RPP40: variants seen among roughly 807,000 people sequenced by gnomAD.
RPP40 encodes the protein ribonuclease P/MRP subunit p40.
RPP40 carries 30 observed loss-of-function variants against 42.5 expected under a neutral mutation model. The ratio of observed to expected loss-of-function variants is 0.71; its 90% CI spans 0.53 to 0.96. The LOEUF is 0.96. Among genes scored for constraint, RPP40 ranks in the 40% least tolerant of loss-of-function variants. The probability of loss-of-function intolerance (pLI) is 0.00; values close to 1 mark genes in which losing one functional copy is unlikely to be tolerated. For synonymous variants in RPP40, 173 were observed against 164.0 expected, an observed-to-expected ratio of 1.05 and a Z score of -0.42; for missense variants, 426 against 433.5, an observed-to-expected ratio of 0.98 and a Z score of 0.15.
At chr6:4,995,474 C>T (rs1759344722) in intron 7 of RPP40, among the ~76,000 whole-genome samples, 198 bp from the exon 8 acceptor site, 1 of 152,182 alleles carries the variant, frequency 6.6e-6, no homozygotes, top group African/African-American at 2.4e-5. Context: ...AACTAATATA[C>T]AACACATGAA....
chr6:4,990,386 G>A (rs1178153058), downstream of RPP40, among the ~76,000 whole-genome samples: 3 of 152,138 alleles, frequency 2.0e-5, no homozygotes, highest in East Asian at 5.8e-4. Flanking sequence ...TTCTTTCCTG[G>A]TAGCATGTTT....
chr6:4,999,790 G>A lies in RPP40; in HGVS notation c.433+19C>T, dbSNP rs1161892080. On this transcript the variant is annotated intron_variant, in intron 4 of 7. Transcript: ENST00000380051. ...GCCACAAGAAGATTAGAAACAGATG[G>A]AACACACATGATACTTACTAAATTT... The A allele has an allele frequency of 2.3e-6, 3 of 1,299,408 alleles. No homozygotes were observed. In the South Asian group the frequency reaches 3.6e-5, roughly 16 times the overall value. 80.5% of individuals were successfully genotyped at this position (1,299,408 alleles called of 1,614,324 possible).
At chr6:5,003,569 T>A in intron 1 of RPP40, 1 of 243,212 alleles carries the variant, frequency 4.1e-6, no homozygotes, top group East Asian at 8.4e-5. Flanking sequence ...GAACCTCGAA[T>A]CCCTCCCTGG....
downstream of RPP40, among the ~76,000 whole-genome samples, chr6:4,991,221 G>A (rs775744317): frequency 2.6e-5 from 4 of 151,688 alleles, no homozygotes; most frequent in Admixed American, 6.6e-5. Flanking sequence ...TTCTGCTATT[G>A]ATTTCTAATT....
In RPP40 at chr6:4,995,169, C is replaced by T; in HGVS notation, c.1001G>A (p.Gly334Glu). ...CACAAAGTTATATAAATGTTCTCCT[C>T]CTTTTCGAAAACCATGTTCATTTTT... ...WEKNEHGFRK[G>E]GEHLYNFVIF... Residue 334 changes from glycine (G) to glutamate (E), a missense_variant, in exon 8 of 8, where the codon GGA becomes GAA. Physicochemically the swap from Gly to Glu is moderately conservative, Grantham distance 98. Coordinates refer to ENST00000380051, the MANE Select transcript of RPP40 (RefSeq NM_006638.4). 1 of 1,614,104 alleles carries T rather than the reference C, an allele frequency of 6.2e-7. No individual in the cohort carries two copies. The highest frequency in any genetic ancestry group is 1.1e-5 in the South Asian group (1 of 91,076).
chr6:4,989,205 GT>G, the RPP40 span, among the ~76,000 whole-genome samples: 1 of 110,840 alleles, frequency 9.0e-6, no homozygotes, highest in East Asian at 2.0e-4. Flanking sequence ...CATTTGGTTT[GT>G]TTGTTTTCTT....
chr6:4,990,176 G>A (rs896369982), downstream of RPP40, among the ~76,000 whole-genome samples: 4 of 152,144 alleles, frequency 2.6e-5, no homozygotes, highest in African/African-American at 9.7e-5. Flanking sequence ...TGTATTGATT[G>A]ATTATATGAT....
chr6:5,000,778 T>G, intron 2 of RPP40, 147 bp from the exon 3 acceptor site: 1 of 626,750 alleles, frequency 1.6e-6, no homozygotes, highest in South Asian at 1.9e-5. Flanking sequence ...AAACCAAACA[T>G]CTGCTAAGGG....
downstream of RPP40, among the ~76,000 whole-genome samples, chr6:4,993,384 G>A (rs866402620): frequency 1.3e-4 from 20 of 152,074 alleles, no homozygotes; most frequent in East Asian, 1.9e-4. Context: ...AATCTGCTTC[G>A]TTGTTCTTAT....
chr6:4,989,539 A>T, the RPP40 span, among the ~76,000 whole-genome samples: 1 of 152,194 alleles, frequency 6.6e-6, no homozygotes, highest in African/African-American at 2.4e-5. Flanking sequence ...ATATGACATG[A>T]CATCTTCACA....
the RPP40 span, among the ~76,000 whole-genome samples, chr6:4,989,261 A>C: frequency 6.6e-6 from 1 of 152,280 alleles, no homozygotes; most frequent in Non-Finnish European, 1.5e-5. Flanking sequence ...CACAAATCCT[A>C]TATCATTGAT....
At chr6:4,998,507 G>A (rs1018643169) in intron 5 of RPP40, among the ~76,000 whole-genome samples, 1 of 152,208 alleles carries the variant, frequency 6.6e-6, no homozygotes, top group African/African-American at 2.4e-5. Flanking sequence ...CCAAAGAGAC[G>A]CAGGCAGAAA....
At position 5,002,151 on chromosome 6, in the gene RPP40, G is replaced by A. The variant is rs769253990; in HGVS notation, c.218C>T (p.Pro73Leu). ...TGPYYFVKNL[P>L]LHELITPEFI... ...TTCAGGTGTAATTAATTCATGAAGA[G>A]GTAAATTCTTCACAAAGTAATAGGG... is the stretch of plus-strand genomic sequence containing the variant. The change falls in exon 2 of 8, where the codon CCT becomes CTT. Residue 73 changes from proline to leucine, a missense_variant. By Grantham distance (98) the Pro-to-Leu change is moderately conservative. Transcript: ENST00000380051. The A allele has an allele frequency of 3.7e-6, 6 of 1,610,532 alleles. No individual in the cohort carries two copies. The highest frequency in any genetic ancestry group is 3.3e-5 in the Admixed American group (2 of 59,958).
intron 1 of RPP40, 121 bp downstream of exon 1, chr6:5,003,759 G>T: frequency 3.8e-6 from 5 of 1,308,036 alleles, no homozygotes; most frequent in Non-Finnish European, 5.1e-6. Flanking sequence ...AGCCGGGCGA[G>T]GGCCCCGCCC....
At chr6:4,991,357 C>A (rs7763401), downstream of RPP40, among the ~76,000 whole-genome samples, 829 of 152,256 alleles carry the variant, frequency 5.4e-3, 4 homozygotes, top group African/African-American at 0.019. Context: ...AAACTCTTAA[C>A]CCACTTTACT....
intron 3 of RPP40, 89 bp from the exon 4 acceptor site, chr6:4,999,993 G>A: frequency 1.4e-6 from 1 of 738,946 alleles, no homozygotes; most frequent in Non-Finnish European, 2.4e-6. Flanking sequence ...TGAGCAGTTA[G>A]ATATCAATGT....
In RPP40 at chr6:4,996,101, TAAAAG is replaced by T; in HGVS notation, c.759-21_759-17del. 2 of 1,613,020 alleles carry T rather than the reference TAAAAG, an allele frequency of 1.2e-6. No homozygotes were observed. Among genetic ancestry groups the T allele is most frequent in the Non-Finnish European group, 1.7e-6 (2 of 1,179,416 alleles). On this transcript the variant is annotated splice_polypyrimidine_tract_variant and intron_variant, in intron 6 of 7. Coordinates refer to ENST00000380051, the MANE Select transcript of RPP40 (RefSeq NM_006638.4). ...CTCATTATTTCTGTCACCAAAAAAA[TAAAAG>T]AGAGAGAGATAACACATGTATATCC... is the stretch of plus-strand genomic sequence containing the variant.
downstream of RPP40, among the ~76,000 whole-genome samples, chr6:4,993,821 G>A (rs1291473999): frequency 6.6e-6 from 1 of 152,146 alleles, no homozygotes; most frequent in Admixed American, 6.5e-5. Context: ...GGGGATGGGT[G>A]AAGCAGATGG....
rs140979733 is a variant in RPP40 at position 4,995,133 on chromosome 6, T to A, written c.1037A>T (p.Asn346Ile). The A allele has an allele frequency of 8.6e-4, 1,385 of 1,614,148 alleles. 2 individuals carry two copies. Among genetic ancestry groups the A allele is most frequent in the Non-Finnish European group, 9.9e-4 (1,166 of 1,179,946 alleles). ...AGCCATCTGAAGCCAATAGTCCTGA[T>A]TATTAAAAATCACAAAGTTATATAA... Reference protein sequence around the residue: ...EHLYNFVIFNNQDYWLQMAVG... With the variant: ...EHLYNFVIFNIQDYWLQMAVG... The change falls in exon 8 of 8, where the codon AAT (asparagine) becomes ATT (isoleucine). Residue 346 changes from asparagine to isoleucine, a missense_variant. By Grantham distance (149) the Asn-to-Ile change is moderately radical. Transcript: ENST00000380051.
Sources: allele counts gnomAD v4.1 joint callset (sites outside exome capture counted in the v4.1 genomes callset), GRCh38; gene constraint gnomAD v4.1.1; transcripts MANE v1.5; gene names NCBI Gene and HGNC (gene_info 2026-07-23, HGNC 2026-07-21).